Variants in FGF4 observed in about 807,000 individuals in gnomAD.
The protein encoded by FGF4 is fibroblast growth factor 4.
A neutral mutation model predicts 15.7 loss-of-function variants in FGF4; 9 were observed. The observed-to-expected ratio is 0.57, with a 90% CI of 0.35 to 1.00. The LOEUF (loss-of-function observed/expected upper bound fraction) is 1.00. Among genes scored for constraint, FGF4 ranks in the 50% least tolerant of loss-of-function variants. The pLI, the probability that FGF4 is intolerant of heterozygous loss-of-function variation, is 0.02. For synonymous variants in FGF4, 164 were observed against 144.8 expected, an observed-to-expected ratio of 1.13 and a Z score of -0.95; for missense variants, 286 against 297.3, an observed-to-expected ratio of 0.96 and a Z score of 0.28.
chr11:69,772,101 T>C lies in FGF4; in HGVS notation c.*1208A>G, dbSNP rs932506486. 5 of 152,202 alleles carry C rather than the reference T, an allele frequency of 3.3e-5. No individual in the cohort carries two copies. The highest frequency in any genetic ancestry group is 1.2e-4 in the African/African-American group (5 of 41,444). The allele number at this position is 152,202 out of a possible 1,614,324, so 9.4% of individuals were successfully genotyped here. A position where few individuals can be genotyped will look rare whatever the true frequency, so the allele number is the denominator to read the frequency against. On this transcript the variant is annotated 3_prime_UTR_variant, in exon 3 of 3. Transcript: ENST00000168712. ...CTAAAAGTAAATCACAGGGTAAAGA[T>C]AGCTCAAACGTGACAAGGTTCGAAT...
chr11:69,774,104 C>G lies in FGF4; in HGVS notation c.364G>C (p.Glu122Gln). Residue 122 changes from glutamate (E) to glutamine (Q), a missense_variant, in exon 2 of 3, where the codon GAG becomes CAG. Glu to Gln is a conservative substitution (Grantham distance 29). Transcript: ENST00000168712. Reference sequence around the variant, plus strand: ...CCGAAGATGCTCACCACGCCCCGCTCCACGGGCGAGAGCTCCAGCAGGCCT... The same window carrying G: ...CCGAAGATGCTCACCACGCCCCGCTGCACGGGCGAGAGCTCCAGCAGGCCT... ...RDSLLELSPV[E>Q]RGVVSIFGVA... 6.2e-7 allele frequency: 1 copy of G among 1,612,612 alleles called. No homozygotes were observed. The highest frequency in any genetic ancestry group is 8.5e-7 in the Non-Finnish European group (1 of 1,179,872).
intron 1 of FGF4, 142 bp downstream of exon 1, chr11:69,774,603 A>T (rs1462280919): frequency 3.4e-6 from 2 of 580,790 alleles, no homozygotes; most frequent in Non-Finnish European, 5.4e-6. Context: ...CCGCGTCAGA[A>T]GGGACCGGAG....
intron 1 of FGF4, among the ~76,000 whole-genome samples, chr11:69,774,459 C>T (rs1855614172): frequency 6.6e-6 from 1 of 152,208 alleles, no homozygotes; most frequent in African/African-American, 2.4e-5. Context: ...GTGGCTGCAC[C>T]GCGCGCCCTG....
intron 2 of FGF4, 128 bp downstream of exon 2, chr11:69,773,896 T>A (rs1855605901): frequency 1.4e-6 from 1 of 704,242 alleles, no homozygotes; most frequent in Non-Finnish European, 2.4e-6. Flanking sequence ...GGCCTGCCGG[T>A]CCCGTGACCT....
chr11:69,774,753 G>T lies in FGF4; in HGVS notation c.332C>A (p.Thr111Asn), dbSNP rs752246982. 72 of 1,493,102 alleles carry T rather than the reference G, an allele frequency of 4.8e-5. No homozygotes were observed. Among genetic ancestry groups the T allele is most frequent in the Middle Eastern group, 2.1e-4 (1 of 4,658 alleles). 92.5% of individuals were successfully genotyped at this position (1,493,102 alleles called of 1,614,324 possible). A position where few individuals can be genotyped will look rare whatever the true frequency, so the allele number is the denominator to read the frequency against. The stretch of plus-strand genomic sequence containing the variant: ...CTGGCCGCGCCACTCACTGTCGCGG[G>T]TGTCCGCGTGCGCGCCGCCGATGCG... ...DGRIGGAHAD[T>N]RDSLLELSPV... Residue 111 changes from threonine (T) to asparagine (N), a missense_variant, in exon 1 of 3, where the codon ACC (threonine) becomes AAC (asparagine). Coordinates refer to ENST00000168712, the MANE Select transcript of FGF4 (RefSeq NM_002007.4).
In FGF4 at chr11:69,774,941, C is replaced by T. The variant is rs1432537795; in HGVS notation, c.144G>A (p.Glu48=). The change falls in exon 1 of 3, where the codon GAG becomes GAA. Residue 48 remains glutamate (E), a synonymous_variant. Transcript: ENST00000168712. The part of the protein sequence containing the change: ...TLEAELERRW[E]SLVALSLARL... Reference sequence around the variant, plus strand: ...GCGCCAACGAGAGCGCCACCAGGCTCTCCCAGCGGCGCTCCAGCTCGGCCT... The same window carrying T: ...GCGCCAACGAGAGCGCCACCAGGCTTTCCCAGCGGCGCTCCAGCTCGGCCT... The T allele has an allele frequency of 6.1e-6, 9 of 1,478,266 alleles. No individual in the cohort carries two copies. The highest frequency in any genetic ancestry group is 2.9e-5 in the African/African-American group (2 of 68,112). The allele number at this position is 1,478,266 out of a possible 1,614,324, so 91.6% of individuals were successfully genotyped here. A position where few individuals can be genotyped will look rare whatever the true frequency, so the allele number is the denominator to read the frequency against.
In FGF4 at chr11:69,775,138, G is replaced by T; in HGVS notation, c.-54C>A. 8.7e-7 allele frequency: 1 copy of T among 1,155,706 alleles called. No individual in the cohort carries two copies. The highest frequency in any genetic ancestry group is 3.2e-5 in the East Asian group (1 of 30,822). 71.6% of individuals were successfully genotyped at this position (1,155,706 alleles called of 1,614,324 possible). ...GCGGTCAGTGCGCCCGGGAAGCTGG[G>T]GGGCAGAGCTGCGCCTGTGGCGTCC... On this transcript the variant is annotated 5_prime_UTR_variant, in exon 1 of 3. Transcript: ENST00000168712.
At chr11:69,774,703 G>A (rs1855617423) in intron 1 of FGF4, 42 bp downstream of exon 1, 4 of 1,352,188 alleles carry the variant, frequency 3.0e-6, no homozygotes, top group Non-Finnish European at 3.8e-6. Flanking sequence ...GGCGGCCGTT[G>A]CCCCCCGCCC....
intron 2 of FGF4, 59 bp downstream of exon 2, chr11:69,773,965 C>T (rs951776739): frequency 5.4e-5 from 76 of 1,414,896 alleles, no homozygotes; most frequent in Non-Finnish European, 7.3e-5. Context: ...AGCCACGAGC[C>T]TGCTAGCCAT....
rs2119832621 is a variant in FGF4, at chr11:69,774,869, G to A, written c.216C>T (p.Gly72=). ...TGATGCCCAGCAGGTAGTCGCCGGC[G>A]CCGCTCTGGACGGCCGCCTCCTTGG... ...AQPKEAAVQS[G]AGDYLLGIKR... The change falls in exon 1 of 3, where the codon GGC becomes GGT. Residue 72 remains glycine, a synonymous_variant. Coordinates refer to ENST00000168712, the MANE Select transcript of FGF4 (RefSeq NM_002007.4). The A allele has an allele frequency of 6.6e-7, 1 of 1,504,382 alleles. No individual in the cohort carries two copies. Among genetic ancestry groups the A allele is most frequent in the Admixed American group, 2.1e-5 (1 of 47,666 alleles). The allele number at this position is 1,504,382 out of a possible 1,614,324, so 93.2% of individuals were successfully genotyped here.
Position 69,773,942 on chromosome 11 carries a change from G to A in FGF4, c.444+82C>T. 6 of 1,170,020 alleles carry A rather than the reference G, an allele frequency of 5.1e-6. No individual in the cohort carries two copies. The South Asian group carries it at 8.4e-5, about 16-fold the overall frequency. The allele number at this position is 1,170,020 out of a possible 1,614,324, so 72.5% of individuals were successfully genotyped here. On this transcript the variant is annotated intron_variant, in intron 2 of 2. Coordinates refer to ENST00000168712, the MANE Select transcript of FGF4 (RefSeq NM_002007.4). ...CCACCCCTCCAAGACCCAGGCACAG[G>A]TGGGGCTGGAGAAGCCACGAGCCTG...
intron 1 of FGF4, among the ~76,000 whole-genome samples, chr11:69,774,525 G>T (rs1032459547): frequency 2.0e-5 from 3 of 152,214 alleles, no homozygotes; most frequent in East Asian, 3.9e-4. Context: ...TTCTGAAGGC[G>T]GGAGGCGGCG....
At position 69,773,116 on chromosome 11, in the gene FGF4, C is replaced by G. The variant is rs1011804008; in HGVS notation, c.*193G>C. On this transcript the variant is annotated 3_prime_UTR_variant, in exon 3 of 3. Coordinates refer to ENST00000168712, the MANE Select transcript of FGF4 (RefSeq NM_002007.4). The stretch of plus-strand genomic sequence containing the variant: ...TTTTTGTTTTGTCTTTTTTTCCCCC[C>G]AGAAAATTAAAAAACACACCCGCAG... 8.4e-6 allele frequency: 4 copies of G among 477,832 alleles called. No homozygotes were observed. Among genetic ancestry groups the G allele is most frequent in the African/African-American group, 5.9e-5 (3 of 51,100 alleles). The allele number at this position is 477,832 out of a possible 1,614,324, so 29.6% of individuals were successfully genotyped here.
Position 69,772,103 on chromosome 11 carries a change from G to A in FGF4, c.*1206C>T, listed in dbSNP as rs1286486999. ...AAAAGTAAATCACAGGGTAAAGATA[G>A]CTCAAACGTGACAAGGTTCGAATGG... On this transcript the variant is annotated 3_prime_UTR_variant, in exon 3 of 3. Transcript: ENST00000168712. 2 of 152,206 alleles carry A rather than the reference G, an allele frequency of 1.3e-5. No homozygotes were observed. The highest frequency in any genetic ancestry group is 4.8e-5 in the African/African-American group (2 of 41,450). The allele number at this position is 152,206 out of a possible 1,614,324, so 9.4% of individuals were successfully genotyped here. A position where few individuals can be genotyped will look rare whatever the true frequency, so the allele number is the denominator to read the frequency against.
Position 69,771,926 on chromosome 11 carries a change from T to A in FGF4, c.*1383A>T, listed in dbSNP as rs1280186853. ...GTTTGCCATCACCTCGGAACTTTTT[T>A]TAAACATCACCGACCCTGCCTCTTC... On this transcript the variant is annotated 3_prime_UTR_variant, in exon 3 of 3. Coordinates refer to ENST00000168712, the MANE Select transcript of FGF4 (RefSeq NM_002007.4). The A allele has an allele frequency of 6.6e-6, 1 of 152,196 alleles. No homozygotes were observed. Among genetic ancestry groups the A allele is most frequent in the Non-Finnish European group, 1.5e-5 (1 of 68,030 alleles). 9.4% of individuals were successfully genotyped at this position (152,196 alleles called of 1,614,324 possible). A position where few individuals can be genotyped will look rare whatever the true frequency, so the allele number is the denominator to read the frequency against.
chr11:69,771,244 C>T lies in FGF4; in HGVS notation c.*2065G>A, dbSNP rs988572424. ...AATCCCCATCACAGCAATATGAAAA[C>T]AATATTTTAAAGGTACAGTTGTGTT... On this transcript the variant is annotated 3_prime_UTR_variant, in exon 3 of 3. Transcript: ENST00000168712. 1.2e-4 allele frequency: 18 copies of T among 152,150 alleles called. No homozygotes were observed. Among genetic ancestry groups the T allele is most frequent in the African/African-American group, 4.3e-4 (18 of 41,428 alleles). 9.4% of individuals were successfully genotyped at this position (152,150 alleles called of 1,614,324 possible).
In FGF4 at chr11:69,771,512, C is replaced by T. The variant is rs2119823959; in HGVS notation, c.*1797G>A. ...CAAACAGCATGGAGACCTACAAACA[C>T]CATCTTTCCTGAACACTCCTGGAGC... On this transcript the variant is annotated 3_prime_UTR_variant, in exon 3 of 3. Transcript: ENST00000168712. 6.6e-6 allele frequency: 1 copy of T among 152,320 alleles called. No homozygotes were observed. Among genetic ancestry groups the T allele is most frequent in the Middle Eastern group, 3.4e-3 (1 of 294 alleles). 9.4% of individuals were successfully genotyped at this position (152,320 alleles called of 1,614,324 possible).
chr11:69,775,239 G>T lies in FGF4; in HGVS notation c.-155C>A, dbSNP rs1855628466. The T allele has an allele frequency of 2.2e-6, 1 of 462,350 alleles. No individual in the cohort carries two copies. The highest frequency in any genetic ancestry group is 3.6e-5 in the East Asian group (1 of 27,574). The allele number at this position is 462,350 out of a possible 1,614,324, so 28.6% of individuals were successfully genotyped here. A position where few individuals can be genotyped will look rare whatever the true frequency, so the allele number is the denominator to read the frequency against. On this transcript the variant is annotated 5_prime_UTR_variant, in exon 1 of 3. Transcript: ENST00000168712. Reference sequence around the variant, plus strand: ...CGGGAGGCAAGCGACGGGGCCCCCGGGCGCCGGGCTCTACCCCGGCTGCAT... The same window carrying T: ...CGGGAGGCAAGCGACGGGGCCCCCGTGCGCCGGGCTCTACCCCGGCTGCAT...
intron 1 of FGF4, 95 bp downstream of exon 1, chr11:69,774,650 G>T: frequency 1.9e-6 from 2 of 1,029,114 alleles, no homozygotes; most frequent in Non-Finnish European, 2.6e-6. Context: ...CCCCGAGCAG[G>T]TGCCCGCCGA....
Sources: gnomAD v4.1 joint callset for allele counts (sites outside exome capture counted in the v4.1 genomes callset) on GRCh38, gnomAD v4.1.1 for gene constraint, MANE v1.5 for transcripts, NCBI Gene and HGNC (gene_info 2026-07-23, HGNC 2026-07-21) for gene names.